Variants in OASL observed in about 807,000 individuals in gnomAD.
The protein encoded by OASL is 2'-5'-oligoadenylate synthetase like.
OASL carries 28 observed loss-of-function variants against 35.3 expected under a neutral mutation model. The observed-to-expected ratio is 0.79, with a 90% CI of 0.59 to 1.09. The LOEUF (loss-of-function observed/expected upper bound fraction) is 1.09. Ranked by LOEUF, OASL falls within the 50% of genes least tolerant of loss-of-function variation. The pLI is 0.00. For missense variants in OASL, 620 were observed against 635.2 expected, an observed-to-expected ratio of 0.98 and a Z score of 0.26; for synonymous variants, 252 against 254.6, an observed-to-expected ratio of 0.99 and a Z score of 0.10.
chr12:121,021,667 C>T (rs777493325), intron 5 of OASL, among the ~76,000 whole-genome samples: 47 of 152,050 alleles, frequency 3.1e-4, no homozygotes, highest in Non-Finnish European at 5.4e-4. Flanking sequence ...AAAAATTAGC[C>T]GGGTGTGGTG....
intron 5 of OASL, among the ~76,000 whole-genome samples, chr12:121,021,741 G>A (rs1480516418): frequency 6.6e-6 from 1 of 152,198 alleles, no homozygotes; most frequent in Non-Finnish European, 1.5e-5. Context: ...AACACAGGAG[G>A]TGGAGGTTGC....
chr12:121,023,523 CA>C (rs758546789), intron 5 of OASL, among the ~76,000 whole-genome samples: 28 of 152,090 alleles, frequency 1.8e-4, no homozygotes, highest in Non-Finnish European at 3.2e-4. Context: ...CTCCTGACCT[CA>C]AGTGATCCAC....
At chr12:121,022,571 C>T (rs930464095) in intron 5 of OASL, among the ~76,000 whole-genome samples, 1 of 152,210 alleles carries the variant, frequency 6.6e-6, no homozygotes, top group Admixed American at 6.5e-5. Flanking sequence ...TTTTCCAGCC[C>T]ATGGGTGGGC....
At chr12:121,022,910 T>C (rs1351799279) in intron 5 of OASL, among the ~76,000 whole-genome samples, 1 of 152,134 alleles carries the variant, frequency 6.6e-6, no homozygotes, top group Non-Finnish European at 1.5e-5. Context: ...TTAATTAACC[T>C]CTCTGAGCCT....
chr12:121,021,147 A>G (rs185021090), intron 5 of OASL, 89 bp from the exon 6 acceptor site: 11 of 1,354,846 alleles, frequency 8.1e-6, no homozygotes, highest in Non-Finnish European at 1.1e-5. Flanking sequence ...TTATCTTTAC[A>G]ATAGTAGCAG....
chr12:121,023,811 G>T, intron 5 of OASL, 179 bp downstream of exon 5: 1 of 588,524 alleles, frequency 1.7e-6, no homozygotes. Flanking sequence ...GAAACCCAAG[G>T]CTCTGAGAGC....
At chr12:121,022,125 T>C (rs2135900768) in intron 5 of OASL, among the ~76,000 whole-genome samples, 1 of 148,686 alleles carries the variant, frequency 6.7e-6, no homozygotes, top group East Asian at 2.1e-4. Flanking sequence ...TCTCACTCTG[T>C]TGCCAGGCTA....
In OASL at chr12:121,031,624, A is replaced by C; in HGVS notation, c.482-7T>G. 1 of 1,607,978 alleles carries C rather than the reference A, an allele frequency of 6.2e-7. No homozygotes were observed. Among genetic ancestry groups the C allele is most frequent in the Non-Finnish European group, 8.5e-7 (1 of 1,175,216 alleles). ...GAGTTGGGAAGAGAAGGCCCTGAGG[A>C]GTGAAGGAGCAAAGGAAGAGATTGG... On this transcript the variant is annotated splice_region_variant and splice_polypyrimidine_tract_variant and intron_variant, in intron 2 of 5. Transcript: ENST00000257570.
chr12:121,037,071 G>A (rs962282639), intron 1 of OASL, among the ~76,000 whole-genome samples: 1 of 152,118 alleles, frequency 6.6e-6, no homozygotes, highest in Non-Finnish European at 1.5e-5. Context: ...CTGGGGATAG[G>A]TGCAAAGAAC....
exon 5 of OASL, chr12:121,024,120 G>A (rs369534201): frequency 1.1e-5 from 17 of 1,613,902 alleles, no homozygotes; most frequent in East Asian, 4.5e-5. Context: ...GGGGTCGGCC[G>A]GATCCAGGAT....
At chr12:121,027,900 C>T in intron 3 of OASL, 83 bp from the exon 4 acceptor site, 1 of 1,235,984 alleles carries the variant, frequency 8.1e-7, no homozygotes, top group Non-Finnish European at 1.2e-6. Flanking sequence ...GCTGAGAAAT[C>T]CAAGTTCTAG....
At chr12:121,025,619 G>T (rs1319625022) in intron 4 of OASL, among the ~76,000 whole-genome samples, 3 of 151,888 alleles carry the variant, frequency 2.0e-5, no homozygotes, top group African/African-American at 7.3e-5. Flanking sequence ...ACAAAAATTA[G>T]GGCATGGCGG....
At chr12:121,025,018 G>A (rs1201585958) in intron 4 of OASL, among the ~76,000 whole-genome samples, 10 of 112,320 alleles carry the variant, frequency 8.9e-5, no homozygotes, top group African/African-American at 1.4e-4. Flanking sequence ...TCGCTCTGTC[G>A]CCCAGGCTGA....
chr12:121,024,005 G>A, exon 5 of OASL: 1 of 1,614,116 alleles, frequency 6.2e-7, no homozygotes, highest in Non-Finnish European at 8.5e-7. Flanking sequence ...CGTTCCAGCT[G>A]GAGATGGGGT....
At chr12:121,038,505 G>A (rs1316684347) in intron 1 of OASL, among the ~76,000 whole-genome samples, 1 of 152,234 alleles carries the variant, frequency 6.6e-6, no homozygotes, top group African/African-American at 2.4e-5. Context: ...GCAAAGAATA[G>A]TACCTATCTC....
At chr12:121,026,221 G>A (rs1002351926) in intron 4 of OASL, among the ~76,000 whole-genome samples, 19 of 152,302 alleles carry the variant, frequency 1.2e-4, no homozygotes, top group African/African-American at 4.1e-4. Flanking sequence ...AGGTCCTGAT[G>A]CTTTCTCGAT....
In OASL at chr12:121,038,706, A is replaced by G. The variant is rs975610918; in HGVS notation, c.198+68T>C. ...GATAAGGAGGACAGGGGTCCCCAGC[A>G]TCCCCAGGGACGTGGACTCTGATAC... On this transcript the variant is annotated intron_variant, in intron 1 of 5. Transcript: ENST00000257570. The G allele has an allele frequency of 2.9e-5, 45 of 1,529,310 alleles. No homozygotes were observed. The East Asian group carries it at 9.9e-4, about 34-fold the overall frequency. The allele number at this position is 1,529,310 out of a possible 1,614,324, so 94.7% of individuals were successfully genotyped here.
At chr12:121,039,023 C>G in exon 1 of OASL, 1 of 1,507,152 alleles carries the variant, frequency 6.6e-7, no homozygotes, top group Non-Finnish European at 9.2e-7. Flanking sequence ...GGCTCCTACC[C>G]AGCTCCCTGG....
chr12:121,022,539 A>C (rs1455740211), intron 5 of OASL, among the ~76,000 whole-genome samples: 1 of 152,184 alleles, frequency 6.6e-6, no homozygotes, highest in African/African-American at 2.4e-5. Context: ...TTTTATATTC[A>C]GGAAAAATCC....
Sources: allele counts gnomAD v4.1 joint callset (sites outside exome capture counted in the v4.1 genomes callset), GRCh38; gene constraint gnomAD v4.1.1; transcripts MANE v1.5; gene names NCBI Gene and HGNC (gene_info 2026-07-23, HGNC 2026-07-21).